The following GRM1 variants were observed in gnomAD, a reference collection of about 807,000 sequenced individuals.
The protein encoded by GRM1 is glutamate metabotropic receptor 1, also known as metabotropic glutamate receptor 1.
Under a neutral mutation model 90.9 loss-of-function variants are expected in GRM1, and 33 were observed. That is an observed-to-expected ratio of 0.36 (90% CI 0.28 to 0.49). GRM1 has a LOEUF of 0.49. Ranked by LOEUF, GRM1 falls within the 20% of genes least tolerant of loss-of-function variation. The pLI is 0.99. For synonymous variants in GRM1, 700 were observed against 613.2 expected, an observed-to-expected ratio of 1.14 and a Z score of -2.09; for missense variants, 1,190 against 1,534.3, an observed-to-expected ratio of 0.78 and a Z score of 3.75.
intron 6 of GRM1, among the ~76,000 whole-genome samples, chr6:146,396,145 T>G (rs527605187): frequency 6.6e-6 from 1 of 151,916 alleles, no homozygotes; most frequent in African/African-American, 2.4e-5. Context: ...TCATCTGTCT[T>G]GCCTGCATTG....
chr6:146,340,232 T>C (rs1784921161), intron 3 of GRM1, among the ~76,000 whole-genome samples: 1 of 152,228 alleles, frequency 6.6e-6, no homozygotes, highest in Admixed American at 6.5e-5. Flanking sequence ...AGTATCATGC[T>C]GATCAATCTT....
intron 5 of GRM1, among the ~76,000 whole-genome samples, chr6:146,371,408 A>G (rs1226781571): frequency 6.6e-6 from 1 of 152,116 alleles, no homozygotes; most frequent in Non-Finnish European, 1.5e-5. Flanking sequence ...ACAATGTACA[A>G]TGAGTGCATC....
intron 2 of GRM1, among the ~76,000 whole-genome samples, chr6:146,205,227 T>A (rs1779453806): frequency 6.6e-6 from 1 of 152,200 alleles, no homozygotes; most frequent in Non-Finnish European, 1.5e-5. Context: ...TGAGTTATGG[T>A]CCCTTTTTCC....
At chr6:146,076,427 A>T (rs1043460097) in intron 1 of GRM1, among the ~76,000 whole-genome samples, 10 of 152,178 alleles carry the variant, frequency 6.6e-5, no homozygotes, top group African/African-American at 2.2e-4. Context: ...GTGAAGGATG[A>T]TGTGGGCTTG....
chr6:146,217,064 G>T (rs1323791254), intron 2 of GRM1, among the ~76,000 whole-genome samples: 1 of 152,174 alleles, frequency 6.6e-6, no homozygotes, highest in Non-Finnish European at 1.5e-5. Flanking sequence ...AAGTGGATAA[G>T]ACTGGAGGAG....
Position 146,313,921 on chromosome 6 carries a change from T to C in GRM1, c.1186+9075T>C, listed in dbSNP as rs376740717. On this transcript the variant is annotated intron_variant, in intron 3 of 7. Transcript: ENST00000282753. Reference sequence around the variant, plus strand: ...TTCTGACACTATATTTTATTTGTAATTTCTATACTTTAATATAAATTGAAT... The same window carrying C: ...TTCTGACACTATATTTTATTTGTAACTTCTATACTTTAATATAAATTGAAT... Among the ~76,000 whole-genome samples the C allele has an allele frequency of 4.6e-5, 7 of 152,242 alleles. No homozygotes were observed. In the East Asian group the frequency reaches 5.8e-4, roughly 13 times the overall value.
chr6:146,084,626 T>C (rs1776480439), intron 1 of GRM1, among the ~76,000 whole-genome samples: 1 of 152,204 alleles, frequency 6.6e-6, no homozygotes, highest in Non-Finnish European at 1.5e-5. Context: ...TTCAGTTCTT[T>C]TGCATTTGCT....
intron 2 of GRM1, among the ~76,000 whole-genome samples, chr6:146,259,708 A>G (rs1200872250): frequency 6.6e-6 from 1 of 152,070 alleles, no homozygotes; most frequent in Non-Finnish European, 1.5e-5. Flanking sequence ...TTCGTTGATG[A>G]ACATTTGGGT....
At chr6:146,382,335 A>C (rs1776347805) in intron 5 of GRM1, among the ~76,000 whole-genome samples, 1 of 151,896 alleles carries the variant, frequency 6.6e-6, no homozygotes, top group Middle Eastern at 3.4e-3. Context: ...AAAAAAAAAA[A>C]AAACAACTTG....
At chr6:146,184,277 A>C (rs1044354722) in intron 2 of GRM1, among the ~76,000 whole-genome samples, 9 of 152,250 alleles carry the variant, frequency 5.9e-5, no homozygotes, top group Non-Finnish European at 1.2e-4. Flanking sequence ...CATTTCACTT[A>C]ATTTCCCTCC....
intron 1 of GRM1, among the ~76,000 whole-genome samples, chr6:146,048,354 C>A (rs758321152): frequency 1.3e-5 from 2 of 152,000 alleles, no homozygotes; most frequent in African/African-American, 4.8e-5. Context: ...CATGTTCTTA[C>A]TGCCATAATA....
At chr6:146,395,150 A>C (rs765025164) in intron 6 of GRM1, among the ~76,000 whole-genome samples, 21 of 152,086 alleles carry the variant, frequency 1.4e-4, no homozygotes, top group Non-Finnish European at 2.9e-4. Context: ...GGTTTACTGA[A>C]AGATCCATAA....
Position 146,399,806 on chromosome 6 carries a change from C to A in GRM1, c.2660+107C>A, listed in dbSNP as rs183769337. ...GTCTCTCATATCTTCCTCTAGTTTT[C>A]TGAGTTGTCTCTTCCATTTCCCCCA... On this transcript the variant is annotated intron_variant, in intron 7 of 7. Coordinates refer to ENST00000282753, the MANE Select transcript of GRM1 (RefSeq NM_001278064.2). This position sits in a 1 kb window ranked among gnomAD's most constrained non-coding sequence, Gnocchi z 5.4. 1.8e-3 allele frequency: 1,392 copies of A among 772,108 alleles called. 3 individuals carry two copies. The highest frequency in any genetic ancestry group is 2.5e-3 in the Non-Finnish European group (1,130 of 454,674). The allele number at this position is 772,108 out of a possible 1,614,324, so 47.8% of individuals were successfully genotyped here.
chr6:146,409,009 T>C (rs74596399), intron 7 of GRM1, among the ~76,000 whole-genome samples: 2,751 of 152,230 alleles, frequency 0.018, 85 homozygotes, highest in African/African-American at 0.063. Flanking sequence ...TAAAGGGTCA[T>C]TAATTAGAAT....
intron 2 of GRM1, among the ~76,000 whole-genome samples, chr6:146,280,180 C>G (rs1782516325): frequency 6.6e-6 from 1 of 152,072 alleles, no homozygotes; most frequent in South Asian, 2.1e-4. Flanking sequence ...ACCAAGACCC[C>G]AGCTCTCTGG....
At chr6:146,300,994 C>T (rs909521186) in intron 2 of GRM1, among the ~76,000 whole-genome samples, 2 of 152,132 alleles carry the variant, frequency 1.3e-5, no homozygotes, top group African/African-American at 4.8e-5. Flanking sequence ...ACAGGTGATA[C>T]AAAGATGAAA....
At chr6:146,138,030 T>A (rs1348445162) in intron 1 of GRM1, among the ~76,000 whole-genome samples, 1 of 152,168 alleles carries the variant, frequency 6.6e-6, no homozygotes. Context: ...ACTGAATTTC[T>A]TTATCAGTTC....
intron 2 of GRM1, among the ~76,000 whole-genome samples, chr6:146,219,112 T>G (rs977236583): frequency 6.6e-6 from 1 of 152,210 alleles, no homozygotes; most frequent in Non-Finnish European, 1.5e-5. Context: ...CATTTCTCAT[T>G]TAGAGTTTGA....
chr6:146,091,959 T>A (rs1461833971), intron 1 of GRM1, among the ~76,000 whole-genome samples: 1 of 152,098 alleles, frequency 6.6e-6, no homozygotes. Context: ...GCTGTCATCT[T>A]TCATTTACCC....
Sources: gnomAD v4.1 joint callset for allele counts (sites outside exome capture counted in the v4.1 genomes callset) on GRCh38, gnomAD v4.1.1 for gene constraint, Gnocchi (gnomAD v3.1) non-coding constraint, MANE v1.5 for transcripts, NCBI Gene and HGNC (gene_info 2026-07-23, HGNC 2026-07-21) for gene names.